CPNE4: variants seen among roughly 807,000 people sequenced by gnomAD.
CPNE4 encodes the protein copine 4, also known as copine-4.
CPNE4 carries 25 observed loss-of-function variants against 67.9 expected under a neutral mutation model. The observed-to-expected ratio is 0.37, with a 90% confidence interval of 0.27 to 0.51. The LOEUF (loss-of-function observed/expected upper bound fraction) is 0.51, where lower values mean the gene tolerates loss of function less well. CPNE4 is among the 20% of genes least tolerant of loss of function. The pLI is 0.93. For synonymous variants in CPNE4, 242 were observed against 244.9 expected, an observed-to-expected ratio of 0.99 and a Z score of 0.11; for missense variants, 464 against 690.8, an observed-to-expected ratio of 0.67 and a Z score of 3.68.
In CPNE4 at chr3:131,629,970, TTGTAC is replaced by T. The variant is rs371703708; in HGVS notation, c.681+39700_681+39704del. On this transcript the variant is annotated intron_variant, in intron 7 of 15. Transcript: ENST00000429747. ...TCTCCCTTACTCTCAAAATATCTTATTGTACTGTACTCATCCTTCTTCTTGTGATG... is the reference window on the plus strand; with the variant it reads ...TCTCCCTTACTCTCAAAATATCTTATTGTACTCATCCTTCTTCTTGTGATG... Among the ~76,000 whole-genome samples, 14 of 152,218 alleles carry T rather than the reference TTGTAC, an allele frequency of 9.2e-5. No homozygotes were observed. The East Asian group carries it at 2.7e-3, about 29-fold the overall frequency.
At chr3:131,604,347 G>A (rs1304351923) in intron 7 of CPNE4, among the ~76,000 whole-genome samples, 1 of 152,144 alleles carries the variant, frequency 6.6e-6, no homozygotes, top group Non-Finnish European at 1.5e-5. Context: ...TGCATGATGA[G>A]ACCTGAGTAA....
chr3:131,543,377 G>A, intron 14 of CPNE4, among the ~76,000 whole-genome samples: 1 of 152,100 alleles, frequency 6.6e-6, no homozygotes, highest in East Asian at 1.9e-4. Flanking sequence ...AAGTATGTTT[G>A]GAACAACTTC....
intron 2 of CPNE4, among the ~76,000 whole-genome samples, chr3:131,779,659 C>T (rs567653934): frequency 6.6e-6 from 1 of 152,176 alleles, no homozygotes; most frequent in South Asian, 2.1e-4. Context: ...GGACCCTTAC[C>T]TGTCACCATA....
At chr3:131,725,587 G>A (rs2081981982) in intron 2 of CPNE4, among the ~76,000 whole-genome samples, 1 of 152,156 alleles carries the variant, frequency 6.6e-6, no homozygotes, top group South Asian at 2.1e-4. Flanking sequence ...CTGGCCATTT[G>A]TGCAGGTACA....
At chr3:131,807,422 T>C (rs1473861135) in intron 2 of CPNE4, among the ~76,000 whole-genome samples, 6 of 152,224 alleles carry the variant, frequency 3.9e-5, no homozygotes, top group Non-Finnish European at 8.8e-5. Context: ...TATATACAGA[T>C]CTACTCTATT....
At chr3:131,952,620 G>A (rs560451646) in intron 1 of CPNE4, among the ~76,000 whole-genome samples, 1 of 142,856 alleles carries the variant, frequency 7.0e-6, no homozygotes, top group Non-Finnish European at 1.5e-5. Context: ...AGGGAGGTGG[G>A]GGGGTCAGCC....
At chr3:131,556,594 A>G (rs1936470259) in intron 11 of CPNE4, among the ~76,000 whole-genome samples, 1 of 151,806 alleles carries the variant, frequency 6.6e-6, no homozygotes, top group African/African-American at 2.4e-5. Context: ...CCCCTGCCCC[A>G]CCATTTATTA....
chr3:131,549,354 C>T (rs1187706624), intron 14 of CPNE4, among the ~76,000 whole-genome samples: 2 of 152,006 alleles, frequency 1.3e-5, no homozygotes, highest in African/African-American at 4.8e-5. Context: ...GCTAAAAAGA[C>T]ATGTATTAAT....
intron 7 of CPNE4, among the ~76,000 whole-genome samples, chr3:131,607,771 T>C (rs1307503308): frequency 6.6e-6 from 1 of 152,164 alleles, no homozygotes; most frequent in Non-Finnish European, 1.5e-5. Context: ...TGGATTACCC[T>C]GAGATGATAG....
chr3:131,932,533 G>T (rs2071095127), intron 1 of CPNE4, among the ~76,000 whole-genome samples: 1 of 152,038 alleles, frequency 6.6e-6, no homozygotes, highest in Non-Finnish European at 1.5e-5. Context: ...TGGAGAAAGG[G>T]TAAACAGCAT....
At chr3:131,720,008 T>C (rs914441594) in intron 3 of CPNE4, among the ~76,000 whole-genome samples, 8 of 152,138 alleles carry the variant, frequency 5.3e-5, no homozygotes, top group Non-Finnish European at 1.0e-4. Flanking sequence ...CTTTTCTACA[T>C]AGACAGATGG....
In CPNE4 at chr3:131,989,801, C is replaced by A. The variant is rs2073135664; in HGVS notation, c.-2+44766G>T. Among the ~76,000 whole-genome samples, 2 of 135,952 alleles carry A rather than the reference C, an allele frequency of 1.5e-5. 1 individual carries two copies. Among genetic ancestry groups the A allele is most frequent in the Non-Finnish European group, 3.3e-5 (2 of 60,022 alleles). 89.2% of individuals were successfully genotyped at this position (135,952 alleles called of 152,430 possible). The stretch of plus-strand genomic sequence containing the variant: ...TCAAAAATATCAAAAAGCAAAATTG[C>A]TTTCAGATTTTGGGAAACACGTAGT... On this transcript the variant is annotated intron_variant, in intron 1 of 15. Transcript: ENST00000429747.
chr3:131,619,960 C>G (rs576857998), intron 7 of CPNE4, among the ~76,000 whole-genome samples: 3 of 152,228 alleles, frequency 2.0e-5, no homozygotes, highest in Admixed American at 2.0e-4. Flanking sequence ...AGAAGTGAAG[C>G]CTTCAGTCTC....
At chr3:132,025,654 G>A (rs2074100635) in intron 1 of CPNE4, among the ~76,000 whole-genome samples, 1 of 152,194 alleles carries the variant, frequency 6.6e-6, no homozygotes, top group Admixed American at 6.5e-5. Flanking sequence ...TGTGAGAGAT[G>A]CCACCAGCAA....
At chr3:131,832,533 T>C (rs1430916339) in intron 2 of CPNE4, among the ~76,000 whole-genome samples, 1 of 152,216 alleles carries the variant, frequency 6.6e-6, no homozygotes, top group African/African-American at 2.4e-5. Flanking sequence ...TCTTGAGCCT[T>C]AAAATCTCAT....
chr3:131,693,852 T>A (rs1027160035), intron 5 of CPNE4, among the ~76,000 whole-genome samples: 1 of 152,212 alleles, frequency 6.6e-6, no homozygotes, highest in Non-Finnish European at 1.5e-5. Flanking sequence ...ATTAACTCTC[T>A]GCTCCAAAAG....
intron 1 of CPNE4, among the ~76,000 whole-genome samples, chr3:132,017,256 G>C (rs1366370122): frequency 6.6e-6 from 1 of 152,026 alleles, no homozygotes; most frequent in African/African-American, 2.4e-5. Flanking sequence ...AATGATAAAA[G>C]AGAAGAAAGT....
At chr3:131,701,501 C>T (rs2081300765) in intron 3 of CPNE4, among the ~76,000 whole-genome samples, 1 of 152,210 alleles carries the variant, frequency 6.6e-6, no homozygotes, top group African/African-American at 2.4e-5. Context: ...TCTCTTATCA[C>T]TATCTTATAT....
chr3:131,687,753 A>G (rs1346415536), intron 5 of CPNE4, among the ~76,000 whole-genome samples: 1 of 152,254 alleles, frequency 6.6e-6, no homozygotes, highest in Non-Finnish European at 1.5e-5. Flanking sequence ...AAGGACAGAT[A>G]GAACCTGATC....
Sources: gnomAD v4.1 joint callset for allele counts (sites outside exome capture counted in the v4.1 genomes callset) on GRCh38, gnomAD v4.1.1 for gene constraint, MANE v1.5 for transcripts, NCBI Gene and HGNC (gene_info 2026-07-23, HGNC 2026-07-21) for gene names.